The following FRMD1 variants were observed in gnomAD, a reference collection of about 807,000 sequenced individuals.
FRMD1 encodes the protein FERM domain containing 1, also known as FERM domain-containing protein 1.
Under a neutral mutation model 54.9 loss-of-function variants are expected in FRMD1, and 51 were observed. The ratio of observed to expected loss-of-function variants is 0.93; its 90% confidence interval spans 0.74 to 1.17. FRMD1 has a LOEUF of 1.17. Among genes scored for constraint, FRMD1 ranks in the 50% most tolerant of loss-of-function variants. The probability of loss-of-function intolerance (pLI) is 0.00; values close to 1 mark genes in which losing one functional copy is unlikely to be tolerated. For missense variants in FRMD1, 729 were observed against 743.0 expected (o/e 0.98, Z 0.22); for synonymous variants, 324 against 306.4 (o/e 1.06, Z -0.60).
At chr6:168,090,009 C>A (rs576204669) in intron 1 of FRMD1, among the ~76,000 whole-genome samples, 3 of 152,136 alleles carry the variant, frequency 2.0e-5, no homozygotes, top group Non-Finnish European at 4.4e-5. Context: ...CTGTAGGATG[C>A]GGGACTCAGT....
At chr6:168,069,009 G>A (rs570884405) in intron 2 of FRMD1, among the ~76,000 whole-genome samples, 2 of 152,346 alleles carry the variant, frequency 1.3e-5, no homozygotes, top group South Asian at 4.1e-4. Context: ...TTACTTTTGT[G>A]TCAGGGAGGA....
At position 168,057,075 on chromosome 6, in the gene FRMD1, G is replaced by A. The variant is rs754234084; in HGVS notation, c.*22C>T. On this transcript the variant is annotated 3_prime_UTR_variant, in exon 11 of 11. Coordinates refer to ENST00000283309, the MANE Select transcript of FRMD1 (RefSeq NM_024919.6). ...AGGGGCTGAGCCTGGCGGTGCGGAC[G>A]GTACTGCTGGGTGGGTGGTGCCTAC... The A allele has an allele frequency of 7.6e-6, 11 of 1,452,520 alleles. No homozygotes were observed. The highest frequency in any genetic ancestry group is 2.9e-5 in the African/African-American group (2 of 69,548). The allele number at this position is 1,452,520 out of a possible 1,614,324, so 90.0% of individuals were successfully genotyped here.
chr6:168,067,329 C>T (rs769551778), intron 3 of FRMD1, 38 bp downstream of exon 3: 12 of 1,370,690 alleles, frequency 8.8e-6, no homozygotes, highest in African/African-American at 2.9e-5. Flanking sequence ...CAGCCCACCG[C>T]GGTGCCTGCC....
intron 1 of FRMD1, among the ~76,000 whole-genome samples, chr6:168,089,596 G>A (rs1479779899): frequency 6.6e-6 from 1 of 152,234 alleles, no homozygotes; most frequent in Non-Finnish European, 1.5e-5. Flanking sequence ...TCGACCATCA[G>A]CAGCTTCACT....
intron 1 of FRMD1, among the ~76,000 whole-genome samples, chr6:168,087,826 T>C (rs1359751370): frequency 6.6e-6 from 1 of 152,210 alleles, no homozygotes; most frequent in Admixed American, 6.5e-5. Flanking sequence ...CCAAGGACGC[T>C]GACCTCACCA....
Position 168,065,265 on chromosome 6 carries a change from T to C in FRMD1, c.462-208A>G, listed in dbSNP as rs1483453303. The C allele has an allele frequency of 2.3e-6, 3 of 1,322,806 alleles. No homozygotes were observed. In the African/African-American group the frequency reaches 4.5e-5, roughly 20 times the overall value. 81.9% of individuals were successfully genotyped at this position (1,322,806 alleles called of 1,614,324 possible). A position where few individuals can be genotyped will look rare whatever the true frequency, so the allele number is the denominator to read the frequency against. On this transcript the variant is annotated intron_variant, in intron 4 of 10. Transcript: ENST00000283309. The stretch of plus-strand genomic sequence containing the variant: ...CTTCCTGGAGCGGGGCACAGGTGAC[T>C]TGCTGCCACCAAGGAGCCACTAGAT...
intron 1 of FRMD1, among the ~76,000 whole-genome samples, chr6:168,078,012 A>T (rs1346278243): frequency 6.6e-6 from 1 of 152,210 alleles, no homozygotes; most frequent in Non-Finnish European, 1.5e-5. Context: ...AGACTCCCAG[A>T]TTCCCAGGGG....
chr6:168,079,855 C>A (rs972748657), upstream of FRMD1, among the ~76,000 whole-genome samples: 3 of 152,322 alleles, frequency 2.0e-5, no homozygotes, highest in Non-Finnish European at 4.4e-5. Context: ...GGCCTGGAAC[C>A]CCTGAGGCCG....
At position 168,075,239 on chromosome 6, in the gene FRMD1, GCTTA is replaced by G. The variant is rs1448197771; in HGVS notation, c.304+2_304+5del. The G allele has an allele frequency of 1.2e-6, 2 of 1,612,896 alleles. No homozygotes were observed. Among genetic ancestry groups the G allele is most frequent in the Non-Finnish European group, 1.7e-6 (2 of 1,179,528 alleles). ...TTCCTGCAGGTGGGGACTGAGCGAT[GCTTA>G]CTTCTGACCACACAGAGGCCAAAGA... On this transcript the variant is annotated splice_donor_variant and splice_donor_5th_base_variant and intron_variant, in intron 2 of 10. Transcript: ENST00000283309. LOFTEE classifies it high-confidence loss of function.
chr6:168,058,914 G>A (rs1037733625), intron 10 of FRMD1, among the ~76,000 whole-genome samples: 5 of 152,082 alleles, frequency 3.3e-5, no homozygotes, highest in Non-Finnish European at 5.9e-5. Flanking sequence ...CGACTCACTC[G>A]GCCCTGAGGC....
chr6:168,064,755 C>T, intron 5 of FRMD1, 116 bp downstream of exon 5: 1 of 1,461,378 alleles, frequency 6.8e-7, no homozygotes, highest in Non-Finnish European at 9.1e-7. Context: ...CATCCCTGAC[C>T]CTTGCTCCAG....
At chr6:168,075,807 C>G in intron 1 of FRMD1, 1 of 1,549,776 alleles carries the variant, frequency 6.5e-7, no homozygotes, top group Non-Finnish European at 8.7e-7. Context: ...TCACGGCAGC[C>G]TCTAAACACC....
chr6:168,063,664 C>T lies in FRMD1; in HGVS notation c.741G>A (p.Leu247=). 6.2e-7 allele frequency: 1 copy of T among 1,613,884 alleles called. No homozygotes were observed. The highest frequency in any genetic ancestry group is 8.5e-7 in the Non-Finnish European group (1 of 1,179,892). ...RQGLSPKEAM[L]CFIQEACRLE... ...GCCGGCAGGCCTCCTGGATGAAGCA[C>T]AGCATGGCCTCCTTGGGGCTCAGGC... Residue 247 remains leucine, a synonymous_variant, in exon 6 of 11, where the codon CTG becomes CTA. Transcript: ENST00000283309.
At chr6:168,081,389 G>C (rs1167145951), upstream of FRMD1, 11 of 1,535,208 alleles carry the variant, frequency 7.2e-6, no homozygotes, top group Non-Finnish European at 9.6e-6. Context: ...GATGGAAGAG[G>C]CTGGCCTGCC....
At chr6:168,065,546 C>T in intron 4 of FRMD1, 3 of 987,526 alleles carry the variant, frequency 3.0e-6, no homozygotes, top group Non-Finnish European at 3.6e-6. Context: ...GGTGCAAGAT[C>T]TTCTCATATA....
chr6:168,072,860 C>T (rs185709415), intron 2 of FRMD1, among the ~76,000 whole-genome samples: 40 of 152,296 alleles, frequency 2.6e-4, no homozygotes, highest in Admixed American at 2.0e-3. Flanking sequence ...AACCACAAAA[C>T]CGAATAGCAA....
At chr6:168,058,760 G>A (rs530415379) in intron 10 of FRMD1, among the ~76,000 whole-genome samples, 24 of 152,302 alleles carry the variant, frequency 1.6e-4, no homozygotes, top group African/African-American at 5.5e-4. Context: ...GGTGGAGGAG[G>A]TGGACGAAGG....
At chr6:168,089,446 G>C (rs1024381744) in intron 1 of FRMD1, among the ~76,000 whole-genome samples, 1 of 152,244 alleles carries the variant, frequency 6.6e-6, no homozygotes, top group Non-Finnish European at 1.5e-5. Context: ...TTGAGAAGGC[G>C]CCTGGGGTCT....
intron 1 of FRMD1, among the ~76,000 whole-genome samples, chr6:168,089,022 C>G (rs924215842): frequency 1.3e-5 from 2 of 151,984 alleles, no homozygotes; most frequent in African/African-American, 4.8e-5. Context: ...GGAGCTGTGG[C>G]TTAGGGGAAG....
Sources: gnomAD v4.1 joint callset for allele counts (sites outside exome capture counted in the v4.1 genomes callset) on GRCh38, gnomAD v4.1.1 for gene constraint, MANE v1.5 for transcripts, NCBI Gene and HGNC (gene_info 2026-07-23, HGNC 2026-07-21) for gene names.